RAB21: variants seen among roughly 807,000 people sequenced by gnomAD.
The protein encoded by RAB21 is ras-related protein Rab-21.
Under a neutral mutation model 33.1 loss-of-function variants are expected in RAB21, and 13 were observed. That is an observed-to-expected ratio of 0.39 (90% CI 0.26 to 0.62). RAB21 has a LOEUF of 0.62. RAB21 is among the 20% of genes least tolerant of loss of function. The probability of loss-of-function intolerance (pLI) is 0.48; values close to 1 mark genes in which losing one functional copy is unlikely to be tolerated. For synonymous variants in RAB21, 91 were observed against 103.7 expected (o/e 0.88, Z 0.74); for missense variants, 234 against 279.1 (o/e 0.84, Z 1.15).
At position 71,793,769 on chromosome 12, in the gene RAB21, ATGG is replaced by A. The variant is rs1883420618; in HGVS notation, c.*8098_*8100del. 6.6e-6 allele frequency: 1 copy of A among 152,232 alleles called. No homozygotes were observed. The highest frequency in any genetic ancestry group is 6.5e-5 in the Admixed American group (1 of 15,286). 9.4% of individuals were successfully genotyped at this position (152,232 alleles called of 1,614,324 possible). A position where few individuals can be genotyped will look rare whatever the true frequency, so the allele number is the denominator to read the frequency against. On this transcript the variant is annotated 3_prime_UTR_variant, in exon 7 of 7. Coordinates refer to ENST00000261263, the MANE Select transcript of RAB21 (RefSeq NM_014999.4). ...TAATTTTGGGTGAACTTTCTTGAAG[ATGG>A]TCAGAAAGGGCATTGTTAAAGGAAG...
intron 1 of RAB21, among the ~76,000 whole-genome samples, chr12:71,763,942 A>G (rs186009301): frequency 3.9e-5 from 6 of 152,242 alleles, no homozygotes; most frequent in African/African-American, 1.4e-4. Flanking sequence ...TCCGTGAATC[A>G]CTGTATTTTT....
rs1883348889 is a variant in RAB21 at position 71,789,551 on chromosome 12, A to G, written c.*3878A>G. The G allele has an allele frequency of 6.6e-6, 1 of 152,118 alleles. No individual in the cohort carries two copies. The highest frequency in any genetic ancestry group is 2.4e-5 in the African/African-American group (1 of 41,450). 9.4% of individuals were successfully genotyped at this position (152,118 alleles called of 1,614,324 possible). A position where few individuals can be genotyped will look rare whatever the true frequency, so the allele number is the denominator to read the frequency against. On this transcript the variant is annotated 3_prime_UTR_variant, in exon 7 of 7. Coordinates refer to ENST00000261263, the MANE Select transcript of RAB21 (RefSeq NM_014999.4). ...GGAATACATAATTTGTGACCATTTA[A>G]GATGCTGATATTTTCTGGAAAAGGA... is the stretch of plus-strand genomic sequence containing the variant.
Position 71,792,171 on chromosome 12 carries a change from C to G in RAB21, c.*6498C>G, listed in dbSNP as rs1883395682. 1 of 152,132 alleles carries G rather than the reference C, an allele frequency of 6.6e-6. No individual in the cohort carries two copies. The highest frequency in any genetic ancestry group is 6.5e-5 in the Admixed American group (1 of 15,272). The allele number at this position is 152,132 out of a possible 1,614,324, so 9.4% of individuals were successfully genotyped here. A position where few individuals can be genotyped will look rare whatever the true frequency, so the allele number is the denominator to read the frequency against. On this transcript the variant is annotated 3_prime_UTR_variant, in exon 7 of 7. Transcript: ENST00000261263. ...ACAGTCATGAGCCACCATGCCCACC[C>G]TAGAATCATACTCTTTTAAAGCAAG...
At chr12:71,778,208 A>G (rs184561784) in intron 4 of RAB21, among the ~76,000 whole-genome samples, 88 of 152,312 alleles carry the variant, frequency 5.8e-4, no homozygotes, top group African/African-American at 1.9e-3. Flanking sequence ...ACATGTTTCA[A>G]TAGCAGAGAC....
At position 71,761,734 on chromosome 12, in the gene RAB21, T is replaced by G. The variant is rs1315029349; in HGVS notation, c.159+6446T>G. Among the ~76,000 whole-genome samples, 5 of 152,150 alleles carry G rather than the reference T, an allele frequency of 3.3e-5. No homozygotes were observed. The East Asian group carries it at 9.6e-4, about 29-fold the overall frequency. On this transcript the variant is annotated intron_variant, in intron 1 of 6. Coordinates refer to ENST00000261263, the MANE Select transcript of RAB21 (RefSeq NM_014999.4). ...AAAAAATAGAAATGGTATGGCTTTT[T>G]TGGCCTAGTCTACTACTTCTTAAAA...
rs1883416807 is a variant in RAB21, at chr12:71,793,496, TTAGAAAA to T, written c.*7828_*7834del. ...CATCTAGTCCTCCTGGCCCTTCTGG[TTAGAAAA>T]TAGAGCGAAATCATCCGTTTAAACA... is the stretch of plus-strand genomic sequence containing the variant. On this transcript the variant is annotated 3_prime_UTR_variant, in exon 7 of 7. Transcript: ENST00000261263. 1 of 152,166 alleles carries T rather than the reference TTAGAAAA, an allele frequency of 6.6e-6. No homozygotes were observed. Among genetic ancestry groups the T allele is most frequent in the South Asian group, 2.1e-4 (1 of 4,834 alleles). 9.4% of individuals were successfully genotyped at this position (152,166 alleles called of 1,614,324 possible).
chr12:71,760,623 G>T (rs1181812026), intron 1 of RAB21, among the ~76,000 whole-genome samples: 1 of 152,124 alleles, frequency 6.6e-6, no homozygotes, highest in Non-Finnish European at 1.5e-5. Flanking sequence ...TACTTTTCTT[G>T]ACTTTATTCT....
At chr12:71,761,541 G>A (rs1393697223) in intron 1 of RAB21, among the ~76,000 whole-genome samples, 1 of 152,156 alleles carries the variant, frequency 6.6e-6, no homozygotes, top group Non-Finnish European at 1.5e-5. Flanking sequence ...AGCCAGGCAT[G>A]ATGGTGGGTA....
chr12:71,762,174 C>T (rs1382435761), intron 1 of RAB21, among the ~76,000 whole-genome samples: 1 of 152,178 alleles, frequency 6.6e-6, no homozygotes, highest in East Asian at 1.9e-4. Flanking sequence ...ACTCTTTAAA[C>T]ATGATTCTTT....
chr12:71,763,101 GCACACACACA>G (rs66460518), intron 1 of RAB21, among the ~76,000 whole-genome samples: 4 of 145,466 alleles, frequency 2.7e-5, no homozygotes, highest in Admixed American at 7.0e-5. Flanking sequence ...TATTTTGCAC[GCACACACACA>G]CACACACACA....
chr12:71,781,221 G>A (rs1221014685), intron 4 of RAB21, among the ~76,000 whole-genome samples: 1 of 152,048 alleles, frequency 6.6e-6, no homozygotes, highest in Non-Finnish European at 1.5e-5. Flanking sequence ...TGTAATCCTA[G>A]CACTTTGGGA....
intron 4 of RAB21, among the ~76,000 whole-genome samples, chr12:71,775,365 C>T (rs1010787763): frequency 6.6e-5 from 10 of 152,152 alleles, no homozygotes; most frequent in Non-Finnish European, 1.5e-4. Flanking sequence ...GTTACTAATC[C>T]TTAAGATGTA....
chr12:71,773,735 A>G (rs1383378160), intron 3 of RAB21, among the ~76,000 whole-genome samples: 2 of 152,182 alleles, frequency 1.3e-5, no homozygotes, highest in Non-Finnish European at 2.9e-5. Flanking sequence ...CAAATTTATA[A>G]TTAGAGTTGC....
At position 71,755,291 on chromosome 12, in the gene RAB21, G is replaced by A; in HGVS notation, c.159+3G>A. The A allele has an allele frequency of 3.3e-6, 5 of 1,514,022 alleles. No individual in the cohort carries two copies. Among genetic ancestry groups the A allele is most frequent in the African/African-American group, 1.4e-5 (1 of 69,464 alleles). The allele number at this position is 1,514,022 out of a possible 1,614,324, so 93.8% of individuals were successfully genotyped here. ...ACAAGCACATCACCACTCTGCAGGT[G>A]CGGACCTCGGGGAGCGGGAGGGGGC... On this transcript the variant is annotated splice_donor_region_variant and intron_variant, in intron 1 of 6. Transcript: ENST00000261263.
chr12:71,770,272 C>T (rs2137647418), intron 2 of RAB21, among the ~76,000 whole-genome samples: 1 of 152,218 alleles, frequency 6.6e-6, no homozygotes, highest in Middle Eastern at 3.4e-3. Flanking sequence ...AGAGCCTATT[C>T]CTGGCTTATA....
Position 71,785,856 on chromosome 12 carries a change from G to T in RAB21, c.*183G>T. The T allele has an allele frequency of 1.7e-6, 1 of 572,908 alleles. No individual in the cohort carries two copies. The highest frequency in any genetic ancestry group is 2.8e-6 in the Non-Finnish European group (1 of 355,502). 35.5% of individuals were successfully genotyped at this position (572,908 alleles called of 1,614,324 possible). A position where few individuals can be genotyped will look rare whatever the true frequency, so the allele number is the denominator to read the frequency against. On this transcript the variant is annotated 3_prime_UTR_variant, in exon 7 of 7. Transcript: ENST00000261263. ...CTAAACTTAGTGGAGTTTGTGACCA[G>T]AGAATTGGCATTTTCTACAAATGTT... is the stretch of plus-strand genomic sequence containing the variant.
Position 71,782,053 on chromosome 12 carries a change from G to A in RAB21, c.414G>A (p.Lys138=). ...TAGGTAATAAAATAGACTTGGAAAAGGAGAGACATGTTTCCATTCAAGAAG... is the reference window on the plus strand; with the variant it reads ...TAGGTAATAAAATAGACTTGGAAAAAGAGAGACATGTTTCCATTCAAGAAG... ...CIVGNKIDLE[K]ERHVSIQEAE... The change falls in exon 5 of 7, where the codon AAG becomes AAA. Residue 138 remains lysine (K), a synonymous_variant. Transcript: ENST00000261263. 6.2e-7 allele frequency: 1 copy of A among 1,606,246 alleles called. No homozygotes were observed. The highest frequency in any genetic ancestry group is 1.1e-5 in the South Asian group (1 of 90,656).
chr12:71,792,222 A>G lies in RAB21; in HGVS notation c.*6549A>G, dbSNP rs1883396132. On this transcript the variant is annotated 3_prime_UTR_variant, in exon 7 of 7. Transcript: ENST00000261263. ...TTAAATCAGCAGTAATAGTTCTGGA[A>G]CTAGAAGTTAACTACTTACTGGACT... 6.6e-6 allele frequency: 1 copy of G among 152,208 alleles called. No homozygotes were observed. The highest frequency in any genetic ancestry group is 2.4e-5 in the African/African-American group (1 of 41,444). 9.4% of individuals were successfully genotyped at this position (152,208 alleles called of 1,614,324 possible).
At chr12:71,779,229 G>T (rs957959267) in intron 4 of RAB21, among the ~76,000 whole-genome samples, 1 of 152,148 alleles carries the variant, frequency 6.6e-6, no homozygotes, top group African/African-American at 2.4e-5. Context: ...GGAGACCAAG[G>T]TGGGCAGACT....
Sources: allele counts gnomAD v4.1 joint callset (sites outside exome capture counted in the v4.1 genomes callset), GRCh38; gene constraint gnomAD v4.1.1; transcripts MANE v1.5; gene names NCBI Gene and HGNC (gene_info 2026-07-23, HGNC 2026-07-21).